The following VTA1 variants were observed in gnomAD, a reference collection of about 807,000 sequenced individuals.
VTA1 encodes the protein vesicle trafficking 1.
A neutral mutation model predicts 36.9 loss-of-function variants in VTA1; 24 were observed. The ratio of observed to expected loss-of-function variants is 0.65; its 90% CI spans 0.47 to 0.91. The LOEUF is 0.91. VTA1 is among the 40% of genes least tolerant of loss of function. VTA1 has a pLI of 0.00. For synonymous variants in VTA1, 142 were observed against 130.2 expected (o/e 1.09, Z -0.62); for missense variants, 393 against 377.2 (o/e 1.04, Z -0.35).
chr6:142,211,833 A>T (rs1028977113), intron 7 of VTA1, among the ~76,000 whole-genome samples: 1 of 152,258 alleles, frequency 6.6e-6, no homozygotes, highest in Admixed American at 6.5e-5. Flanking sequence ...AATAACGCAG[A>T]CAACCCTATT....
intron 4 of VTA1, among the ~76,000 whole-genome samples, chr6:142,179,554 G>T (rs1775187827): frequency 6.6e-6 from 1 of 151,982 alleles, no homozygotes; most frequent in Admixed American, 6.6e-5. Flanking sequence ...CTACAACATG[G>T]ATGAATCTAG....
chr6:142,183,457 AT>A (rs1562262953), intron 4 of VTA1, among the ~76,000 whole-genome samples: 1 of 152,204 alleles, frequency 6.6e-6, no homozygotes, highest in Non-Finnish European at 1.5e-5. Context: ...CTAACCAGTC[AT>A]GCTTCAGTGT....
At chr6:142,200,783 T>C (rs1775670027) in intron 6 of VTA1, among the ~76,000 whole-genome samples, 1 of 151,970 alleles carries the variant, frequency 6.6e-6, no homozygotes, top group African/African-American at 2.4e-5. Flanking sequence ...TCTCTGTCTT[T>C]TGTTCCTTAG....
chr6:142,160,894 CA>C (rs1318634960), intron 1 of VTA1, among the ~76,000 whole-genome samples: 1 of 151,964 alleles, frequency 6.6e-6, no homozygotes, highest in Non-Finnish European at 1.5e-5. Flanking sequence ...ATTCTTTGGA[CA>C]ATGAAAAAGC....
chr6:142,175,335 G>A lies in VTA1; in HGVS notation c.411+4914G>A, dbSNP rs546722941. Among the ~76,000 whole-genome samples the A allele has an allele frequency of 2.2e-4, 34 of 151,812 alleles. No homozygotes were observed. The East Asian group carries it at 6.1e-3, about 27-fold the overall frequency. Reference sequence around the variant, plus strand: ...TGTCATGCTCCGTACTCTGCTTGCTGCCCTATTTGCCAGTCCTACTTTGTA... The same window carrying A: ...TGTCATGCTCCGTACTCTGCTTGCTACCCTATTTGCCAGTCCTACTTTGTA... On this transcript the variant is annotated intron_variant, in intron 4 of 7. Coordinates refer to ENST00000367630, the MANE Select transcript of VTA1 (RefSeq NM_016485.5).
intron 7 of VTA1, among the ~76,000 whole-genome samples, chr6:142,211,262 C>A (rs113025053): frequency 6.6e-6 from 1 of 151,766 alleles, no homozygotes; most frequent in African/African-American, 2.4e-5. Flanking sequence ...GTAAAGATGG[C>A]AAATTATACA....
At chr6:142,186,104 A>C in intron 4 of VTA1, among the ~76,000 whole-genome samples, 1 of 152,182 alleles carries the variant, frequency 6.6e-6, no homozygotes, top group East Asian at 1.9e-4. Context: ...ACATCAGGAA[A>C]ACCTTTCTGA....
chr6:142,202,949 A>G (rs922330459), intron 6 of VTA1, among the ~76,000 whole-genome samples: 3 of 152,036 alleles, frequency 2.0e-5, no homozygotes, highest in Non-Finnish European at 4.4e-5. Flanking sequence ...TGTCCTGGAA[A>G]ACAATTAAGT....
At position 142,214,443 on chromosome 6, in the gene VTA1, A is replaced by T. The variant is rs150540654; in HGVS notation, c.779-4055A>T. On this transcript the variant is annotated intron_variant, in intron 7 of 7. Coordinates refer to ENST00000367630, the MANE Select transcript of VTA1 (RefSeq NM_016485.5). ...ACGGCAATAGGAGAGTGAAGGGGGA[A>T]GTGCCACACACTTTTAAACCATCAG... is the stretch of plus-strand genomic sequence containing the variant. Among the ~76,000 whole-genome samples, 6 of 152,242 alleles carry T rather than the reference A, an allele frequency of 3.9e-5. No homozygotes were observed. The East Asian group carries it at 1.2e-3, about 29-fold the overall frequency.
At chr6:142,205,899 G>C (rs1775782981) in intron 7 of VTA1, among the ~76,000 whole-genome samples, 1 of 152,066 alleles carries the variant, frequency 6.6e-6, no homozygotes, top group Admixed American at 6.5e-5. Flanking sequence ...AACAGTAATA[G>C]AATTATGGAA....
At chr6:142,216,806 T>TA (rs2114691390) in intron 7 of VTA1, among the ~76,000 whole-genome samples, 1 of 152,268 alleles carries the variant, frequency 6.6e-6, no homozygotes, top group South Asian at 2.1e-4. Context: ...AAAATAAAGA[T>TA]TAATCTGACC....
rs1774992783 is a variant in VTA1, at chr6:142,169,693, A to T, written c.335+16A>T. 1 of 1,524,414 alleles carries T rather than the reference A, an allele frequency of 6.6e-7. No individual in the cohort carries two copies. The highest frequency in any genetic ancestry group is 2.3e-5 in the Admixed American group (1 of 42,596). The allele number at this position is 1,524,414 out of a possible 1,614,324, so 94.4% of individuals were successfully genotyped here. On this transcript the variant is annotated intron_variant, in intron 3 of 7. Coordinates refer to ENST00000367630, the MANE Select transcript of VTA1 (RefSeq NM_016485.5). ...GATTTCACAAGTAAGTAAAGAGAAA[A>T]ATAAAAATTATTTTATTAATTTTGT... is the stretch of plus-strand genomic sequence containing the variant.
intron 7 of VTA1, 62 bp from the exon 8 acceptor site, chr6:142,218,436 C>A: frequency 6.4e-7 from 1 of 1,559,694 alleles, no homozygotes; most frequent in Non-Finnish European, 8.7e-7. Flanking sequence ...TAAGCATTTG[C>A]CCAACCTTAC....
chr6:142,170,329 T>G lies in VTA1; in HGVS notation c.336-17T>G, dbSNP rs1582883310. 6.5e-6 allele frequency: 10 copies of G among 1,527,954 alleles called. No homozygotes were observed. Among genetic ancestry groups the G allele is most frequent in the African/African-American group, 4.2e-5 (3 of 72,044 alleles). The allele number at this position is 1,527,954 out of a possible 1,614,324, so 94.6% of individuals were successfully genotyped here. A position where few individuals can be genotyped will look rare whatever the true frequency, so the allele number is the denominator to read the frequency against. On this transcript the variant is annotated splice_polypyrimidine_tract_variant and intron_variant, in intron 3 of 7. Transcript: ENST00000367630. ...GTGTTTCATATTTAAACTAGACCGC[T>G]CTCTTTTCTCTTCCAGAAACATGAT...
At chr6:142,215,779 A>G (rs898740572) in intron 7 of VTA1, among the ~76,000 whole-genome samples, 2 of 152,342 alleles carry the variant, frequency 1.3e-5, no homozygotes, top group African/African-American at 2.4e-5. Flanking sequence ...CATTAGATAT[A>G]TCAACCTTGG....
chr6:142,192,147 T>C (rs1323061060), intron 5 of VTA1, among the ~76,000 whole-genome samples: 4 of 152,064 alleles, frequency 2.6e-5, no homozygotes, highest in African/African-American at 4.8e-5. Flanking sequence ...TAACGTATAC[T>C]TTTTCACCTT....
At chr6:142,162,616 A>G (rs1337475900) in intron 1 of VTA1, among the ~76,000 whole-genome samples, 1 of 152,184 alleles carries the variant, frequency 6.6e-6, no homozygotes, top group Non-Finnish European at 1.5e-5. Context: ...GATATTTGTA[A>G]TGATGACAAT....
In VTA1 at chr6:142,198,539, C is replaced by T; in HGVS notation, c.621C>T (p.Gly207=). Residue 207 remains glycine (G), a synonymous_variant, in exon 6 of 8, where the codon GGC becomes GGT. Transcript: ENST00000367630. The stretch of plus-strand genomic sequence containing the variant: ...ATGACCCAAGCAACATGCCATCAGG[C>T]AACTATACTGGAATACAGATTCCTC... ...STYDPSNMPS[G]NYTGIQIPPG... The T allele has an allele frequency of 6.2e-7, 1 of 1,614,106 alleles. No homozygotes were observed. The highest frequency in any genetic ancestry group is 8.5e-7 in the Non-Finnish European group (1 of 1,179,988).
At position 142,169,592 on chromosome 6, in the gene VTA1, A is replaced by T. The variant is rs1774989207; in HGVS notation, c.250A>T (p.Ile84Leu). ...LGDNEAITQEIVGCAHLENYA... is the reference protein window; with the variant it reads ...LGDNEAITQELVGCAHLENYA... The stretch of plus-strand genomic sequence containing the variant: ...TGATAATGAAGCTATTACTCAAGAA[A>T]TAGTGGGCTGTGCCCATTTGGAGAA... Residue 84 changes from isoleucine to leucine, a missense_variant, in exon 3 of 8, where the codon ATA (isoleucine) becomes TTA (leucine). Coordinates refer to ENST00000367630, the MANE Select transcript of VTA1 (RefSeq NM_016485.5). 4 of 1,609,886 alleles carry T rather than the reference A, an allele frequency of 2.5e-6. No individual in the cohort carries two copies. The highest frequency in any genetic ancestry group is 3.4e-6 in the Non-Finnish European group (4 of 1,178,922).
Sources: gnomAD v4.1 joint callset for allele counts (sites outside exome capture counted in the v4.1 genomes callset) on GRCh38, gnomAD v4.1.1 for gene constraint, MANE v1.5 for transcripts, NCBI Gene and HGNC (gene_info 2026-07-23, HGNC 2026-07-21) for gene names.